Variants in BNC2 observed in about 807,000 individuals in gnomAD.
BNC2 encodes basonuclin zinc finger protein 2, also known as zinc finger protein basonuclin-2.
Under a neutral mutation model 76.3 loss-of-function variants are expected in BNC2, and 20 were observed. The ratio of observed to expected loss-of-function variants is 0.26; its 90% CI spans 0.18 to 0.38. The LOEUF is 0.38. Among genes scored for constraint, BNC2 ranks in the 10% least tolerant of loss-of-function variants. The probability of loss-of-function intolerance (pLI) is 1.00; values close to 1 mark genes in which losing one functional copy is unlikely to be tolerated. For missense variants in BNC2, 1,382 were observed against 1,399.8 expected, an observed-to-expected ratio of 0.99 and a Z score of 0.20; for synonymous variants, 582 against 514.8, an observed-to-expected ratio of 1.13 and a Z score of -1.77.
At chr9:16,453,300 G>T (rs1469377346) in intron 5 of BNC2, among the ~76,000 whole-genome samples, 1 of 152,154 alleles carries the variant, frequency 6.6e-6, no homozygotes, top group Non-Finnish European at 1.5e-5. Flanking sequence ...AATTTTCGAA[G>T]CCATGATTCA....
chr9:16,639,988 A>AT (rs551120763), intron 3 of BNC2, among the ~76,000 whole-genome samples: 263 of 152,112 alleles, frequency 1.7e-3, no homozygotes, highest in African/African-American at 5.9e-3. Flanking sequence ...AGCTTGAGGG[A>AT]TTTTTTAAGA....
chr9:16,613,660 G>A (rs537935755), intron 3 of BNC2, among the ~76,000 whole-genome samples: 1 of 152,220 alleles, frequency 6.6e-6, no homozygotes, highest in South Asian at 2.1e-4. Flanking sequence ...GTAAGGAGGA[G>A]CCTCTTAGAC....
chr9:16,780,307 C>T (rs1265975965), intron 1 of BNC2, among the ~76,000 whole-genome samples: 1 of 148,542 alleles, frequency 6.7e-6, no homozygotes, highest in Non-Finnish European at 1.5e-5. Flanking sequence ...GGCTCGGTGG[C>T]TCACGCCTGT....
At chr9:16,450,220 C>A (rs896929356) in intron 5 of BNC2, among the ~76,000 whole-genome samples, 1 of 152,194 alleles carries the variant, frequency 6.6e-6, no homozygotes, top group Non-Finnish European at 1.5e-5. Context: ...ACTGCTGCAT[C>A]ACAGTGACCA....
chr9:16,788,279 C>A (rs571405339), intron 1 of BNC2, among the ~76,000 whole-genome samples: 4 of 152,004 alleles, frequency 2.6e-5, no homozygotes, highest in Admixed American at 6.6e-5. Context: ...CTGGGCCAGG[C>A]GCGGTGGCTC....
In BNC2 at chr9:16,418,976, GT is replaced by G. The variant is rs757302245; in HGVS notation, c.*12del. 6 of 1,613,892 alleles carry G rather than the reference GT, an allele frequency of 3.7e-6. No individual in the cohort carries two copies. Among genetic ancestry groups the G allele is most frequent in the Non-Finnish European group, 5.1e-6 (6 of 1,179,926 alleles). On this transcript the variant is annotated 3_prime_UTR_variant, in exon 7 of 7. Coordinates refer to ENST00000380672, the MANE Select transcript of BNC2 (RefSeq NM_017637.6). ...TCTGGTGAGAGCTGGCATTTGTAGTGTCCATTCTGAGACTAATCTACTGAAG... is the reference window on the plus strand; with the variant it reads ...TCTGGTGAGAGCTGGCATTTGTAGTGCCATTCTGAGACTAATCTACTGAAG...
chr9:16,780,486 C>T (rs971448992), intron 1 of BNC2, among the ~76,000 whole-genome samples: 3 of 150,446 alleles, frequency 2.0e-5, no homozygotes, highest in African/African-American at 4.9e-5. Context: ...GCAAGGGAAT[C>T]GCCTGAACCC....
At chr9:16,793,281 T>C (rs964351389) in intron 1 of BNC2, among the ~76,000 whole-genome samples, 2 of 152,140 alleles carry the variant, frequency 1.3e-5, no homozygotes, top group African/African-American at 2.4e-5. Flanking sequence ...CCGAAATCAG[T>C]TACCTAAGCA....
intron 3 of BNC2, among the ~76,000 whole-genome samples, chr9:16,678,261 C>CTTTCTCTTT (rs1473647913): frequency 4.0e-4 from 30 of 75,880 alleles, no homozygotes; most frequent in Middle Eastern, 6.6e-3. Flanking sequence ...TGTTTTCTTT[C>CTTTCTCTTT]TTTTTCTTTT....
At chr9:16,626,111 A>G (rs1380485897) in intron 3 of BNC2, 1 of 152,220 alleles carries the variant, frequency 6.6e-6, no homozygotes, top group African/African-American at 2.4e-5. Flanking sequence ...CAGTCTCTTT[A>G]GCACAGACAT....
intron 1 of BNC2, among the ~76,000 whole-genome samples, chr9:16,811,552 CAAAAAAAAAAA>C (rs1179927173): frequency 3.4e-5 from 2 of 58,040 alleles, no homozygotes; most frequent in South Asian, 8.4e-4. Flanking sequence ...AACTCCATCT[CAAAAAAAAAAA>C]AAAAAAAAAA....
chr9:16,663,407 C>G (rs1170041973), intron 3 of BNC2, among the ~76,000 whole-genome samples: 1 of 152,014 alleles, frequency 6.6e-6, no homozygotes, highest in African/African-American at 2.4e-5. Context: ...GGATTACAGG[C>G]GTGAGCTACC....
chr9:16,748,252 G>C (rs1184336481), intron 1 of BNC2, among the ~76,000 whole-genome samples: 1 of 152,154 alleles, frequency 6.6e-6, no homozygotes, highest in Non-Finnish European at 1.5e-5. Flanking sequence ...GATGGCTCAC[G>C]CTTGTAATCC....
At chr9:16,739,850 C>T (rs1824789459) in intron 1 of BNC2, among the ~76,000 whole-genome samples, 1 of 152,138 alleles carries the variant, frequency 6.6e-6, no homozygotes, top group South Asian at 2.1e-4. Flanking sequence ...AAAATGGTAG[C>T]ATTATCAACA....
intron 5 of BNC2, chr9:16,476,147 A>T (rs925719864): frequency 6.6e-6 from 1 of 152,170 alleles, no homozygotes; most frequent in African/African-American, 2.4e-5. Context: ...TGAGCCACTG[A>T]CGCCATTCCT....
intron 3 of BNC2, among the ~76,000 whole-genome samples, chr9:16,636,953 T>A (rs1436559920): frequency 2.0e-5 from 3 of 151,658 alleles, no homozygotes; most frequent in African/African-American, 7.3e-5. Flanking sequence ...ATTTTTTTTT[T>A]AAAGCTCACA....
intron 4 of BNC2, among the ~76,000 whole-genome samples, chr9:16,562,355 C>T (rs752811467): frequency 6.6e-6 from 1 of 152,158 alleles, no homozygotes; most frequent in Non-Finnish European, 1.5e-5. Context: ...GGAAGAAAAG[C>T]CCCTAAGCAA....
At chr9:16,683,401 G>A (rs1294688539) in intron 3 of BNC2, among the ~76,000 whole-genome samples, 1 of 152,162 alleles carries the variant, frequency 6.6e-6, no homozygotes, top group African/African-American at 2.4e-5. Context: ...ACAAACCGCT[G>A]CTCCTAAATT....
intron 3 of BNC2, among the ~76,000 whole-genome samples, chr9:16,662,028 C>T (rs533857482): frequency 6.8e-4 from 104 of 152,210 alleles, no homozygotes; most frequent in Non-Finnish European, 1.2e-3. Context: ...AACATGTTTC[C>T]CTAGAAAAAC....
Sources: gnomAD v4.1 joint callset for allele counts (sites outside exome capture counted in the v4.1 genomes callset) on GRCh38, gnomAD v4.1.1 for gene constraint, MANE v1.5 for transcripts, NCBI Gene and HGNC (gene_info 2026-07-23, HGNC 2026-07-21) for gene names.